DENND1C: variants seen among roughly 807,000 people sequenced by gnomAD.
The protein encoded by DENND1C is DENN domain containing 1C, also known as DENN domain-containing protein 1C.
A neutral mutation model predicts 87.9 loss-of-function variants in DENND1C; 64 were observed. The ratio of observed to expected loss-of-function variants is 0.73; its 90% confidence interval spans 0.60 to 0.90. The LOEUF is 0.90. Among genes scored for constraint, DENND1C ranks in the 40% least tolerant of loss-of-function variants. The probability of loss-of-function intolerance (pLI) is 0.00; values close to 1 mark genes in which losing one functional copy is unlikely to be tolerated. For synonymous variants in DENND1C, 384 were observed against 424.4 expected (o/e 0.90, Z 1.17); for missense variants, 980 against 1,037.0 (o/e 0.95, Z 0.76).
chr19:6,470,296 G>A lies in DENND1C; in HGVS notation c.1361C>T (p.Ser454Leu), dbSNP rs753513728. 26 of 1,607,552 alleles carry A rather than the reference G, an allele frequency of 1.6e-5. No homozygotes were observed. The highest frequency in any genetic ancestry group is 3.3e-4 in the Middle Eastern group (2 of 6,066). The change falls in exon 18 of 23, where the codon TCG becomes TTG. Residue 454 changes from serine (S) to leucine (L), a missense_variant and splice_region_variant. Coordinates refer to ENST00000381480, the MANE Select transcript of DENND1C (RefSeq NM_024898.4). ...TQPAVKNMYRSAKSGLKGVQS... is the reference protein window; with the variant it reads ...TQPAVKNMYRLAKSGLKGVQS... ...GTGGCCTGTCCAGCTCAGCCTCACC[G>A]AGCGGTACATGTTCTTGACGGCTGG...
At chr19:6,470,163 A>G in intron 18 of DENND1C, 132 bp downstream of exon 18, 1 of 836,950 alleles carries the variant, frequency 1.2e-6, no homozygotes, top group Non-Finnish European at 1.9e-6. Flanking sequence ...CTGCTGGTTC[A>G]GTTCTGATTA....
At position 6,477,377 on chromosome 19, in the gene DENND1C, C is replaced by T. The variant is rs1218114781; in HGVS notation, c.447+1G>A. 3 of 1,613,374 alleles carry T rather than the reference C, an allele frequency of 1.9e-6. No individual in the cohort carries two copies. Among genetic ancestry groups the T allele is most frequent in the Non-Finnish European group, 2.5e-6 (3 of 1,179,762 alleles). ...GCGCCCAGGGAATGGGAGCTACTCA[C>T]CAGCTCAAGCCCCACTGAGGCCTGG... On this transcript the variant is annotated splice_donor_variant, in intron 7 of 22. Transcript: ENST00000381480. LOFTEE classifies it high-confidence loss of function.
chr19:6,469,023 T>C (rs1599376923), intron 19 of DENND1C, 70 bp from the exon 20 acceptor site: 1 of 936,440 alleles, frequency 1.1e-6, no homozygotes, highest in East Asian at 3.2e-5. Context: ...CATTGGTCTT[T>C]AGTTAGTCTT....
chr19:6,467,899 T>C lies in DENND1C; in HGVS notation c.2011A>G (p.Lys671Glu), dbSNP rs35173535. Residue 671 changes from lysine to glutamate, a missense_variant, in exon 23 of 23, where the codon AAA becomes GAA. Coordinates refer to ENST00000381480, the MANE Select transcript of DENND1C (RefSeq NM_024898.4). ...AGGGGCTCTGTGAGAGGAGAGGGTT[T>C]GGGGTCCCCCCAGATGCTTGGGTCT... ...SADPSIWGDP[K>E]PSPLTEPLIL... is the part of the protein sequence containing the mutation. The C allele has an allele frequency of 0.026, 42,488 of 1,612,980 alleles. 614 individuals are homozygous for C. The highest frequency in any genetic ancestry group is 0.031 in the Middle Eastern group (189 of 6,060).
chr19:6,477,204 C>G lies in DENND1C; in HGVS notation c.513+14G>C, dbSNP rs779724211. 3.1e-6 allele frequency: 5 copies of G among 1,588,372 alleles called. No homozygotes were observed. The South Asian group carries it at 3.4e-5, about 11-fold the overall frequency. ...TGGACCCCCGACCTTCCAGGGTCCC[C>G]GAGCCCCGCTCACCGGCTTGCTATT... On this transcript the variant is annotated intron_variant, in intron 8 of 22. Transcript: ENST00000381480.
chr19:6,478,909 C>A (rs568999744), intron 5 of DENND1C, 28 bp downstream of exon 5: 5 of 1,612,742 alleles, frequency 3.1e-6, no homozygotes, highest in African/African-American at 2.7e-5. Context: ...CCTTTCCCAT[C>A]CCCCCCTCCA....
intron 17 of DENND1C, 25 bp from the exon 18 acceptor site, chr19:6,470,391 G>T: frequency 6.2e-7 from 1 of 1,606,796 alleles, no homozygotes; most frequent in Admixed American, 1.7e-5. Context: ...ATACCAAGGG[G>T]GAGAGGCTAG....
At chr19:6,474,322 A>C (rs999976772) in intron 14 of DENND1C, among the ~76,000 whole-genome samples, 7 of 152,222 alleles carry the variant, frequency 4.6e-5, no homozygotes, top group Non-Finnish European at 8.8e-5. Flanking sequence ...GAGACAGAGG[A>C]AGTGGGTGGT....
Position 6,468,401 on chromosome 19 carries a change from C to T in DENND1C, c.1624G>A (p.Ala542Thr), listed in dbSNP as rs765616729. 1.2e-6 allele frequency: 2 copies of T among 1,613,744 alleles called. No homozygotes were observed. Among genetic ancestry groups the T allele is most frequent in the Non-Finnish European group, 1.7e-6 (2 of 1,179,790 alleles). ...LSPEDEGCPW[A>T]EEALDSSFLG... ...AAGCTGCTGTCCAGAGCTTCTTCTG[C>T]CCACGGGCACCCCTCATCCTCAGGG... The change falls in exon 22 of 23, where the codon GCA becomes ACA. Residue 542 changes from alanine to threonine, a missense_variant. Ala to Thr is a moderately conservative substitution (Grantham distance 58). Transcript: ENST00000381480.
rs978119681 is a variant in DENND1C at position 6,476,045 on chromosome 19, A to C, written c.679-108T>G. ...AGTCTCCTGTTCCCCCTCCCCATCCACTGCTGGATAATGAGTGACAACTCG... is the reference window on the plus strand; with the variant it reads ...AGTCTCCTGTTCCCCCTCCCCATCCCCTGCTGGATAATGAGTGACAACTCG... On this transcript the variant is annotated intron_variant, in intron 10 of 22. Transcript: ENST00000381480. 15 of 1,035,834 alleles carry C rather than the reference A, an allele frequency of 1.4e-5. No homozygotes were observed. The African/African-American group carries it at 2.0e-4, about 14-fold the overall frequency. The allele number at this position is 1,035,834 out of a possible 1,614,324, so 64.2% of individuals were successfully genotyped here.
At position 6,478,922 on chromosome 19, in the gene DENND1C, C is replaced by T. The variant is rs764208413; in HGVS notation, c.296+15G>A. The T allele has an allele frequency of 1.2e-6, 2 of 1,613,956 alleles. No homozygotes were observed. Among genetic ancestry groups the T allele is most frequent in the Non-Finnish European group, 8.5e-7 (1 of 1,179,864 alleles). On this transcript the variant is annotated intron_variant, in intron 5 of 22. Coordinates refer to ENST00000381480, the MANE Select transcript of DENND1C (RefSeq NM_024898.4). ...GGCCTTTCCCATCCCCCCCTCCAAC[C>T]CCCATATCCCGCACCTGAGGATGCA...
intron 19 of DENND1C, chr19:6,469,382 C>A: frequency 1.8e-6 from 1 of 568,758 alleles, no homozygotes; most frequent in Non-Finnish European, 3.2e-6. Flanking sequence ...GGCTGGTGTA[C>A]AGTGGCGCTA....
intron 14 of DENND1C, among the ~76,000 whole-genome samples, chr19:6,474,643 G>C (rs1350298306): frequency 6.6e-6 from 1 of 152,178 alleles, no homozygotes; most frequent in Non-Finnish European, 1.5e-5. Context: ...CTGGGAAAAT[G>C]CTGATTCACT....
At position 6,471,386 on chromosome 19, in the gene DENND1C, G is replaced by C. The variant is rs780230613; in HGVS notation, c.1249+20C>G. 3 of 1,583,636 alleles carry C rather than the reference G, an allele frequency of 1.9e-6. No individual in the cohort carries two copies. Among genetic ancestry groups the C allele is most frequent in the Non-Finnish European group, 2.6e-6 (3 of 1,165,228 alleles). ...TGGTGGCGGGTAGTGGGGGACCCAGGGGCTGGACTCAGGGCTCACCTGAGG... is the reference window on the plus strand; with the variant it reads ...TGGTGGCGGGTAGTGGGGGACCCAGCGGCTGGACTCAGGGCTCACCTGAGG... On this transcript the variant is annotated intron_variant, in intron 16 of 22. Coordinates refer to ENST00000381480, the MANE Select transcript of DENND1C (RefSeq NM_024898.4).
rs1394355244 is a variant in DENND1C at position 6,471,393 on chromosome 19, A to G, written c.1249+13T>C. On this transcript the variant is annotated intron_variant, in intron 16 of 22. Transcript: ENST00000381480. The stretch of plus-strand genomic sequence containing the variant: ...GGGTAGTGGGGGACCCAGGGGCTGG[A>G]CTCAGGGCTCACCTGAGGAGGCCCC... 1 of 1,583,996 alleles carries G rather than the reference A, an allele frequency of 6.3e-7. No individual in the cohort carries two copies. The highest frequency in any genetic ancestry group is 1.8e-5 in the Admixed American group (1 of 54,998).
In DENND1C at chr19:6,477,127, G is replaced by T; in HGVS notation, c.514C>A (p.Leu172Ile). The part of the protein sequence containing the change: ...PPPTRGNSKP[L>I]SCFVAPDSGR... ...GAGTCCGGGGCCACGAAGCAGGAAA[G>T]CTGGTGGGGGTATTGGCAGGGGGAT... Residue 172 changes from leucine to isoleucine, a missense_variant and splice_region_variant, in exon 9 of 23, where the codon CTT (leucine) becomes ATT (isoleucine). By Grantham distance (5) the Leu-to-Ile change is conservative. Transcript: ENST00000381480. The T allele has an allele frequency of 6.2e-7, 1 of 1,604,346 alleles. No homozygotes were observed. The highest frequency in any genetic ancestry group is 8.5e-7 in the Non-Finnish European group (1 of 1,175,576).
chr19:6,477,606 T>TTAATAA (rs59685749), intron 6 of DENND1C, 148 bp from the exon 7 acceptor site: 11,388 of 183,318 alleles, frequency 0.062, 550 homozygotes, highest in African/African-American at 0.13. Flanking sequence ...TTAAAAGAAA[T>TTAATAA]TAATAATAAT....
chr19:6,480,313 A>G (rs1913461084), intron 1 of DENND1C: 1 of 1,390,650 alleles, frequency 7.2e-7, no homozygotes, highest in Admixed American at 3.0e-5. Flanking sequence ...GGCTGAGTGC[A>G]TGGCTTTTGT....
intron 6 of DENND1C, among the ~76,000 whole-genome samples, chr19:6,478,412 T>G (rs1010222954): frequency 7.2e-6 from 1 of 138,136 alleles, no homozygotes; most frequent in African/African-American, 3.4e-5. Context: ...CCGGCTAATT[T>G]TTTTTTTTTT....
Sources: allele counts gnomAD v4.1 joint callset (sites outside exome capture counted in the v4.1 genomes callset), GRCh38; gene constraint gnomAD v4.1.1; transcripts MANE v1.5; gene names NCBI Gene and HGNC (gene_info 2026-07-23, HGNC 2026-07-21).